Variants in RAB31 observed in about 807,000 individuals in gnomAD.
The protein encoded by RAB31 is ras-related protein Rab-31.
Under a neutral mutation model 25.6 loss-of-function variants are expected in RAB31, and 21 were observed. The ratio of observed to expected loss-of-function variants is 0.82; its 90% CI spans 0.58 to 1.18. RAB31 has a LOEUF of 1.18. RAB31 is among the 50% of genes most tolerant of loss of function. RAB31 has a pLI of 0.00. For missense variants in RAB31, 196 were observed against 250.1 expected (o/e 0.78, Z 1.46); for synonymous variants, 87 against 84.0 (o/e 1.04, Z -0.20).
Position 9,791,872 on chromosome 18 carries a change from G to A in RAB31, c.120-282G>A, listed in dbSNP as rs534895373. 2.9e-4 allele frequency among the ~76,000 whole-genome samples: 44 copies of A among 152,272 alleles called. No homozygotes were observed. The East Asian group carries it at 4.4e-3, about 15-fold the overall frequency. ...GCTCACCTTGGCCTCCCAAAGTGCC[G>A]GGATTACGGCATGAACCACCGCGCC... is the stretch of plus-strand genomic sequence containing the variant. On this transcript the variant is annotated intron_variant, in intron 2 of 6. Coordinates refer to ENST00000578921, the MANE Select transcript of RAB31 (RefSeq NM_006868.4).
chr18:9,759,837 C>G (rs2068278969), intron 1 of RAB31, among the ~76,000 whole-genome samples: 1 of 152,036 alleles, frequency 6.6e-6, no homozygotes, highest in Non-Finnish European at 1.5e-5. Flanking sequence ...GGGGAAAGCA[C>G]CACAGAGGAT....
intron 1 of RAB31, among the ~76,000 whole-genome samples, chr18:9,759,985 T>TG (rs1024116580): frequency 6.6e-6 from 1 of 151,970 alleles, no homozygotes; most frequent in Non-Finnish European, 1.5e-5. Context: ...AGTGTGAGGG[T>TG]GGGTAAATGG....
intron 1 of RAB31, among the ~76,000 whole-genome samples, chr18:9,759,722 G>T (rs114583783): frequency 6.6e-6 from 1 of 152,114 alleles, no homozygotes; most frequent in Non-Finnish European, 1.5e-5. Flanking sequence ...AGGCTATCCC[G>T]AGACCTGTTT....
chr18:9,816,218 T>C (rs1231581677), intron 5 of RAB31: 1 of 188,896 alleles, frequency 5.3e-6, no homozygotes, highest in Non-Finnish European at 1.2e-5. Flanking sequence ...ACTTAATTAA[T>C]GGCCTTTCAC....
intron 6 of RAB31, 52 bp from the exon 7 acceptor site, chr18:9,859,176 C>T: frequency 1.4e-6 from 2 of 1,428,772 alleles, no homozygotes; most frequent in South Asian, 1.2e-5. Context: ...TCTGTGTGTG[C>T]AGTGTTGGCT....
intron 5 of RAB31, among the ~76,000 whole-genome samples, chr18:9,833,979 G>T (rs1304502075): frequency 1.3e-5 from 2 of 152,142 alleles, no homozygotes; most frequent in Non-Finnish European, 2.9e-5. Context: ...GAGACAGATG[G>T]GATACTGATA....
At chr18:9,855,461 C>A (rs2068811130) in intron 6 of RAB31, among the ~76,000 whole-genome samples, 1 of 152,138 alleles carries the variant, frequency 6.6e-6, no homozygotes, top group Non-Finnish European at 1.5e-5. Flanking sequence ...CTGCTCTATG[C>A]CTGTGTAAAT....
chr18:9,818,641 G>T (rs2068611111), intron 5 of RAB31, among the ~76,000 whole-genome samples: 1 of 152,060 alleles, frequency 6.6e-6, no homozygotes. Context: ...ATGTTCCTAT[G>T]AACAATCATG....
At chr18:9,728,231 C>T (rs11877030) in intron 1 of RAB31, among the ~76,000 whole-genome samples, 88,893 of 152,068 alleles carry the variant, frequency 0.58, 26,928 homozygotes, top group Non-Finnish European at 0.67. Flanking sequence ...AGTGTTCTCT[C>T]ACAACAGTAT....
intron 1 of RAB31, among the ~76,000 whole-genome samples, chr18:9,763,941 G>A (rs2068301570): frequency 6.6e-6 from 1 of 152,106 alleles, no homozygotes; most frequent in African/African-American, 2.4e-5. Flanking sequence ...CTAAAGGCCT[G>A]GAGTTGGGGT....
intron 5 of RAB31, among the ~76,000 whole-genome samples, chr18:9,828,877 G>A (rs1241750124): frequency 6.6e-6 from 1 of 152,178 alleles, no homozygotes; most frequent in African/African-American, 2.4e-5. Context: ...TTTTCCTTAT[G>A]TGAGATAATG....
chr18:9,753,200 C>T (rs2068244105), intron 1 of RAB31, among the ~76,000 whole-genome samples: 2 of 152,060 alleles, frequency 1.3e-5, no homozygotes, highest in Non-Finnish European at 2.9e-5. Flanking sequence ...ATGTTTGTCC[C>T]CTCTAAAACT....
At chr18:9,758,368 G>T (rs556125153) in intron 1 of RAB31, among the ~76,000 whole-genome samples, 1 of 152,020 alleles carries the variant, frequency 6.6e-6, no homozygotes, top group South Asian at 2.1e-4. Flanking sequence ...TTGCCTCCTG[G>T]GGGGAAAAGC....
intron 1 of RAB31, among the ~76,000 whole-genome samples, chr18:9,719,314 T>A (rs1599010572): frequency 1.5e-5 from 1 of 68,806 alleles, no homozygotes; most frequent in African/African-American, 5.7e-5. Context: ...TATATATATA[T>A]ATATATATAT....
intron 5 of RAB31, among the ~76,000 whole-genome samples, chr18:9,837,471 C>A (rs974150023): frequency 6.6e-6 from 1 of 151,998 alleles, no homozygotes; most frequent in South Asian, 2.1e-4. Flanking sequence ...GATGAATAAG[C>A]CTGACTATAT....
chr18:9,854,617 C>T (rs947601843), intron 6 of RAB31, among the ~76,000 whole-genome samples: 12 of 152,276 alleles, frequency 7.9e-5, no homozygotes, highest in South Asian at 2.1e-4. Context: ...TAGCATGTAG[C>T]GCGTTCCTCT....
chr18:9,734,264 A>G (rs779372378), intron 1 of RAB31, among the ~76,000 whole-genome samples: 15 of 152,082 alleles, frequency 9.9e-5, no homozygotes, highest in Admixed American at 3.3e-4. Flanking sequence ...TCCTGTCACT[A>G]TTGTGCAATT....
intron 3 of RAB31, among the ~76,000 whole-genome samples, chr18:9,801,495 T>C (rs976553113): frequency 2.0e-5 from 3 of 152,024 alleles, no homozygotes; most frequent in African/African-American, 7.2e-5. Flanking sequence ...GTTGGCCAGA[T>C]GTCTCAAACT....
At chr18:9,825,290 C>G (rs894024522) in intron 5 of RAB31, among the ~76,000 whole-genome samples, 13 of 152,294 alleles carry the variant, frequency 8.5e-5, no homozygotes, top group Admixed American at 8.5e-4. Context: ...AAGGTCTGTG[C>G]TATTCTAGGA....
Sources: allele counts gnomAD v4.1 joint callset (sites outside exome capture counted in the v4.1 genomes callset), GRCh38; gene constraint gnomAD v4.1.1; transcripts MANE v1.5; gene names NCBI Gene and HGNC (gene_info 2026-07-23, HGNC 2026-07-21).